Variants in B3GLCT observed in about 807,000 individuals in gnomAD.
B3GLCT encodes the protein beta 3-glucosyltransferase.
B3GLCT carries 65 observed loss-of-function variants against 63.4 expected under a neutral mutation model. That is an observed-to-expected ratio of 1.03 (90% CI 0.84 to 1.26). The LOEUF (loss-of-function observed/expected upper bound fraction) is 1.26, where lower values mean the gene tolerates loss of function less well. Ranked by LOEUF, B3GLCT falls within the 50% of genes most tolerant of loss-of-function variation. B3GLCT has a pLI of 0.00. For synonymous variants in B3GLCT, 233 were observed against 219.2 expected, an observed-to-expected ratio of 1.06 and a Z score of -0.55; for missense variants, 577 against 604.8, an observed-to-expected ratio of 0.95 and a Z score of 0.48.
At chr13:31,246,946 CTTTTCT>C in intron 4 of B3GLCT, 71 bp from the exon 5 acceptor site, 9 of 1,011,078 alleles carry the variant, frequency 8.9e-6, no homozygotes, top group South Asian at 4.6e-5. Context: ...CTTTTCTTTT[CTTTTCT>C]TTTTTTTTTT....
rs1186202296 is a variant in B3GLCT, at chr13:31,286,749, G to T, written c.994G>T (p.Glu332Ter). 1 of 1,613,210 alleles carries T rather than the reference G, an allele frequency of 6.2e-7. No individual in the cohort carries two copies. The highest frequency in any genetic ancestry group is 8.5e-7 in the Non-Finnish European group (1 of 1,179,480). The stretch of plus-strand genomic sequence containing the variant: ...TTGTGGAAAGACATTTGCCATTTTG[G>T]AAAGATTTCTGAATCGTAGCCAGGA... ...GHCGKTFAIL[E>*]RFLNRSQDKT... Residue 332 changes from glutamate (E) to a stop codon, truncating the protein, a stop_gained, in exon 12 of 15, where the codon GAA becomes TAA. Coordinates refer to ENST00000343307, the MANE Select transcript of B3GLCT (RefSeq NM_194318.4). LOFTEE classifies it high-confidence loss of function.
At chr13:31,211,575 CTT>C (rs1023533339) in intron 1 of B3GLCT, among the ~76,000 whole-genome samples, 4 of 149,162 alleles carry the variant, frequency 2.7e-5, no homozygotes, top group African/African-American at 7.4e-5. Context: ...AAATGACAGA[CTT>C]TTTTGGTTTG....
At chr13:31,279,451 G>A (rs1872955125) in intron 10 of B3GLCT, among the ~76,000 whole-genome samples, 1 of 152,086 alleles carries the variant, frequency 6.6e-6, no homozygotes, top group Non-Finnish European at 1.5e-5. Context: ...GTGTCCGGGG[G>A]AGACATCACA....
intron 7 of B3GLCT, among the ~76,000 whole-genome samples, chr13:31,265,241 A>G (rs1055376491): frequency 1.3e-5 from 2 of 152,180 alleles, no homozygotes; most frequent in East Asian, 1.9e-4. Context: ...TTGCCAGGGA[A>G]TTTCATTGAT....
chr13:31,271,755 T>G (rs1872582273), intron 8 of B3GLCT, among the ~76,000 whole-genome samples: 1 of 152,208 alleles, frequency 6.6e-6, no homozygotes. Flanking sequence ...TACTTTTGTT[T>G]TGTCTGCTTA....
chr13:31,200,365 C>G (rs1028255488), intron 1 of B3GLCT, among the ~76,000 whole-genome samples: 1 of 149,300 alleles, frequency 6.7e-6, no homozygotes, highest in African/African-American at 2.4e-5. Flanking sequence ...GGACCCGAGG[C>G]GTGCCCGCTC....
chr13:31,327,415 G>A (rs1875688355), intron 14 of B3GLCT, among the ~76,000 whole-genome samples: 1 of 152,220 alleles, frequency 6.6e-6, no homozygotes, highest in South Asian at 2.1e-4. Flanking sequence ...GCCCAGTGCG[G>A]GATGGAGTGG....
intron 10 of B3GLCT, among the ~76,000 whole-genome samples, chr13:31,280,509 C>T (rs139273741): frequency 1.3e-5 from 2 of 152,218 alleles, no homozygotes; most frequent in African/African-American, 4.8e-5. Context: ...CACAGTGTCC[C>T]CTGGCACTGG....
intron 3 of B3GLCT, among the ~76,000 whole-genome samples, chr13:31,228,759 T>C (rs1192837095): frequency 1.3e-5 from 2 of 152,240 alleles, no homozygotes; most frequent in African/African-American, 2.4e-5. Context: ...TTAAAAAATA[T>C]GAATTTTAGA....
chr13:31,250,247 CACTGCA>C, intron 6 of B3GLCT, among the ~76,000 whole-genome samples: 1 of 152,320 alleles, frequency 6.6e-6, no homozygotes, highest in Non-Finnish European at 1.5e-5. Context: ...AGTCTTGGCT[CACTGCA>C]ACCTCCACCT....
chr13:31,212,692 G>C (rs984344457), intron 1 of B3GLCT, among the ~76,000 whole-genome samples: 1 of 152,210 alleles, frequency 6.6e-6, no homozygotes, highest in African/African-American at 2.4e-5. Flanking sequence ...TTACACAGAT[G>C]TGAGCCACCA....
chr13:31,215,615 T>C (rs1247837051), intron 2 of B3GLCT, among the ~76,000 whole-genome samples: 1 of 152,130 alleles, frequency 6.6e-6, no homozygotes, highest in South Asian at 2.1e-4. Context: ...GGTTTCATCA[T>C]GTTGCCCAGG....
chr13:31,234,167 G>A (rs199515160), intron 4 of B3GLCT, among the ~76,000 whole-genome samples: 4 of 151,948 alleles, frequency 2.6e-5, no homozygotes, highest in Non-Finnish European at 5.9e-5. Flanking sequence ...ACAGGCACCC[G>A]CCACCACACC....
At chr13:31,229,089 A>C (rs1870240753) in intron 3 of B3GLCT, 96 bp from the exon 4 acceptor site, 1 of 793,002 alleles carries the variant, frequency 1.3e-6, no homozygotes. Flanking sequence ...TTACTGCCTG[A>C]AGGTTTGCTT....
intron 1 of B3GLCT, among the ~76,000 whole-genome samples, chr13:31,207,444 G>A (rs1869018554): frequency 6.6e-6 from 1 of 152,082 alleles, no homozygotes; most frequent in Non-Finnish European, 1.5e-5. Flanking sequence ...ACTGTTTTGA[G>A]TTGCAATTTT....
chr13:31,294,658 C>A (rs1873842880), intron 12 of B3GLCT, among the ~76,000 whole-genome samples: 1 of 152,188 alleles, frequency 6.6e-6, no homozygotes, highest in South Asian at 2.1e-4. Flanking sequence ...TCAGCTCCAT[C>A]AGGTTATTTC....
intron 12 of B3GLCT, among the ~76,000 whole-genome samples, chr13:31,299,335 G>A (rs1027094554): frequency 1.1e-4 from 16 of 152,020 alleles, no homozygotes; most frequent in Non-Finnish European, 2.9e-5. Flanking sequence ...TGTGTTCCTT[G>A]GTCTGAAGAA....
At chr13:31,287,019 T>C (rs1873369868) in intron 12 of B3GLCT, among the ~76,000 whole-genome samples, 200 bp downstream of exon 12, 1 of 152,112 alleles carries the variant, frequency 6.6e-6, no homozygotes, top group African/African-American at 2.4e-5. Flanking sequence ...AGGAAAATGA[T>C]CCAAAAGAAA....
chr13:31,255,908 C>T (rs190185795), intron 6 of B3GLCT, among the ~76,000 whole-genome samples: 11 of 152,208 alleles, frequency 7.2e-5, no homozygotes, highest in South Asian at 2.1e-4. Flanking sequence ...ACGAAAACAC[C>T]GAAAGCAATG....
Sources: allele counts gnomAD v4.1 joint callset (sites outside exome capture counted in the v4.1 genomes callset), GRCh38; gene constraint gnomAD v4.1.1; transcripts MANE v1.5; gene names NCBI Gene and HGNC (gene_info 2026-07-23, HGNC 2026-07-21).